RABL3: variants seen among roughly 807,000 people sequenced by gnomAD.
RABL3 encodes RAB, member of RAS oncogene family like 3, also known as rab-like protein 3.
In RABL3, 31 loss-of-function variants were observed where a neutral mutation model predicts 31.8. That is an observed-to-expected ratio of 0.97 (90% confidence interval 0.73 to 1.31). The LOEUF (loss-of-function observed/expected upper bound fraction) is 1.31. Ranked by LOEUF, RABL3 falls within the 40% of genes most tolerant of loss-of-function variation. The pLI is 0.00. For missense variants in RABL3, 263 were observed against 279.6 expected, an observed-to-expected ratio of 0.94 and a Z score of 0.42; for synonymous variants, 97 against 99.9, an observed-to-expected ratio of 0.97 and a Z score of 0.18.
Position 120,742,472 on chromosome 3 carries a change from C to A in RABL3, c.36G>T (p.Leu12Phe). 6.2e-7 allele frequency: 1 copy of A among 1,614,170 alleles called. No homozygotes were observed. The highest frequency in any genetic ancestry group is 1.1e-5 in the South Asian group (1 of 91,084). Residue 12 changes from leucine (L) to phenylalanine (F), a missense_variant, in exon 1 of 8, where the codon TTG (leucine) becomes TTT (phenylalanine). By Grantham distance (22) the Leu-to-Phe change is conservative. Coordinates refer to ENST00000273375, the MANE Select transcript of RABL3 (RefSeq NM_173825.5). ...ASLDRVKVLV[L>F]GDSGVGKSSL... ...GGGTAAGCCGCTCACCTGAGTCTCCCAACACCAGTACCTTCACCCGATCCA... is the reference window on the plus strand; with the variant it reads ...GGGTAAGCCGCTCACCTGAGTCTCCAAACACCAGTACCTTCACCCGATCCA...
At chr3:120,711,772 C>A (rs1055686888) in intron 2 of RABL3, among the ~76,000 whole-genome samples, 2 of 152,140 alleles carry the variant, frequency 1.3e-5, no homozygotes, top group Admixed American at 6.5e-5. Context: ...ACATGCCAAT[C>A]TTACTGAATC....
intron 3 of RABL3, 26 bp downstream of exon 3, chr3:120,709,754 A>G (rs1481704449): frequency 1.3e-6 from 2 of 1,551,516 alleles, no homozygotes; most frequent in Non-Finnish European, 1.8e-6. Flanking sequence ...CCATTAATAT[A>G]AGATAGAAAT....
chr3:120,742,479 A>C lies in RABL3; in HGVS notation c.29T>G (p.Leu10Arg). ...CCGCTCACCTGAGTCTCCCAACACC[A>C]GTACCTTCACCCGATCCAGGGACGC... MASLDRVKVLVLGDSGVGKS... is the reference protein window; with the variant it reads MASLDRVKVRVLGDSGVGKS... Residue 10 changes from leucine (L) to arginine (R), a missense_variant, in exon 1 of 8, where the codon CTG becomes CGG. By Grantham distance (102) the Leu-to-Arg change is moderately radical. Transcript: ENST00000273375. The C allele has an allele frequency of 1.2e-6, 2 of 1,614,218 alleles. No homozygotes were observed. The highest frequency in any genetic ancestry group is 1.7e-6 in the Non-Finnish European group (2 of 1,180,016).
intron 4 of RABL3, among the ~76,000 whole-genome samples, chr3:120,704,231 A>G (rs1393328716): frequency 1.3e-5 from 2 of 152,228 alleles, no homozygotes; most frequent in Non-Finnish European, 1.5e-5. Flanking sequence ...AGGCTGGTTC[A>G]ATATTTGAAA....
At chr3:120,722,965 A>G (rs1003634655) in intron 2 of RABL3, among the ~76,000 whole-genome samples, 3 of 152,178 alleles carry the variant, frequency 2.0e-5, no homozygotes, top group Non-Finnish European at 2.9e-5. Context: ...AACTGAAGGA[A>G]ATAATGATAC....
chr3:120,723,733 T>C (rs1222538941), intron 2 of RABL3, among the ~76,000 whole-genome samples: 2 of 152,152 alleles, frequency 1.3e-5, no homozygotes, highest in Non-Finnish European at 2.9e-5. Flanking sequence ...AAAAAACCTT[T>C]GACAAAATTC....
At chr3:120,702,462 C>T (rs554789008) in intron 4 of RABL3, among the ~76,000 whole-genome samples, 2 of 152,284 alleles carry the variant, frequency 1.3e-5, no homozygotes, top group Admixed American at 6.5e-5. Context: ...TGCTCACTCA[C>T]CTGCCACTCA....
Position 120,708,602 on chromosome 3 carries a change from G to A in RABL3, c.268+1178C>T, listed in dbSNP as rs73181937. 8.6e-3 allele frequency among the ~76,000 whole-genome samples: 1,308 copies of A among 151,910 alleles called. 7 individuals carry two copies. The highest frequency in any genetic ancestry group is 0.015 in the Non-Finnish European group (1,014 of 67,820). On this transcript the variant is annotated intron_variant, in intron 3 of 7. Transcript: ENST00000273375. Reference sequence around the variant, plus strand: ...TCACTCTAGTATAAGTCTAAACTAGGTTTCACTTCCTTCTCTAAGAGGTCA... The same window carrying A: ...TCACTCTAGTATAAGTCTAAACTAGATTTCACTTCCTTCTCTAAGAGGTCA...
intron 3 of RABL3, among the ~76,000 whole-genome samples, chr3:120,706,661 A>G (rs1376282337): frequency 7.0e-6 from 1 of 142,238 alleles, no homozygotes; most frequent in Non-Finnish European, 1.6e-5. Context: ...AGATCATCTG[A>G]GACTAATCTA....
intron 5 of RABL3, among the ~76,000 whole-genome samples, chr3:120,697,058 A>G (rs1446034532): frequency 6.6e-6 from 1 of 152,254 alleles, no homozygotes; most frequent in African/African-American, 2.4e-5. Flanking sequence ...TCCTCCTGCC[A>G]GGCTTGATGA....
chr3:120,690,546 G>C, intron 6 of RABL3, 59 bp from the exon 7 acceptor site: 1 of 1,175,148 alleles, frequency 8.5e-7, no homozygotes, highest in Non-Finnish European at 1.3e-6. Context: ...GTGGCTAACT[G>C]CAACGACCAC....
intron 2 of RABL3, among the ~76,000 whole-genome samples, chr3:120,714,705 A>AT (rs776192694): frequency 9.2e-5 from 14 of 151,374 alleles, no homozygotes; most frequent in Admixed American, 4.6e-4. Context: ...CATATCCAGT[A>AT]TTTTTTTTTC....
chr3:120,709,305 T>C (rs1264078714), intron 3 of RABL3, among the ~76,000 whole-genome samples: 1 of 151,972 alleles, frequency 6.6e-6, no homozygotes, highest in East Asian at 1.9e-4. Context: ...ATAAAATTTC[T>C]GCACCCATAA....
chr3:120,691,922 C>T (rs949563034), intron 6 of RABL3, among the ~76,000 whole-genome samples: 1 of 152,182 alleles, frequency 6.6e-6, no homozygotes, highest in African/African-American at 2.4e-5. Flanking sequence ...GGTGCGACAG[C>T]CATTCATCCA....
intron 1 of RABL3, among the ~76,000 whole-genome samples, chr3:120,734,356 G>A (rs988476089): frequency 3.9e-5 from 6 of 152,142 alleles, no homozygotes; most frequent in Non-Finnish European, 8.8e-5. Flanking sequence ...TCTGTTATTG[G>A]TGTATAAGAA....
rs61756477 is a variant in RABL3, at chr3:120,694,208, C to T, written c.551G>A (p.Arg184Gln). The T allele has an allele frequency of 1.5e-3, 2,345 of 1,610,670 alleles. 4 individuals carry two copies. Among genetic ancestry groups the T allele is most frequent in the Non-Finnish European group, 1.9e-3 (2,234 of 1,177,432 alleles). ...ATTGGAAGAACCTGCAGCTAAGTAC[C>T]GTGGATTTGTGCAGTCCTAGAAGAT... ...EEINLDCTNP[R>Q]YLAAGSSNAV... Residue 184 changes from arginine to glutamine, a missense_variant, in exon 6 of 8, where the codon CGG becomes CAG. Arg to Gln is a conservative substitution (Grantham distance 43, BLOSUM62 1). Transcript: ENST00000273375.
At chr3:120,732,357 G>A (rs186092131) in intron 1 of RABL3, among the ~76,000 whole-genome samples, 1 of 152,076 alleles carries the variant, frequency 6.6e-6, no homozygotes, top group East Asian at 1.9e-4. Flanking sequence ...TATTCTCTGG[G>A]CCTCCACTGT....
intron 3 of RABL3, among the ~76,000 whole-genome samples, chr3:120,707,215 T>C (rs555566657): frequency 2.6e-5 from 4 of 152,290 alleles, no homozygotes; most frequent in South Asian, 4.1e-4. Flanking sequence ...GTACAAGCTA[T>C]AGCTGACTTG....
At chr3:120,720,267 A>G (rs1362568904) in intron 2 of RABL3, among the ~76,000 whole-genome samples, 1 of 152,242 alleles carries the variant, frequency 6.6e-6, no homozygotes, top group Non-Finnish European at 1.5e-5. Flanking sequence ...AAATTCTGAA[A>G]ATCAGAGTGC....
Sources: gnomAD v4.1 joint callset for allele counts (sites outside exome capture counted in the v4.1 genomes callset) on GRCh38, gnomAD v4.1.1 for gene constraint, MANE v1.5 for transcripts, NCBI Gene and HGNC (gene_info 2026-07-23, HGNC 2026-07-21) for gene names.